The following LMBRD1 variants were observed in gnomAD, a reference collection of about 807,000 sequenced individuals.
The protein encoded by LMBRD1 is LMBR1 domain containing 1.
LMBRD1 carries 64 observed loss-of-function variants against 74.8 expected under a neutral mutation model. The ratio of observed to expected loss-of-function variants is 0.86; its 90% confidence interval spans 0.70 to 1.05. LMBRD1 has a LOEUF of 1.05. Ranked by LOEUF, LMBRD1 falls within the 50% of genes least tolerant of loss-of-function variation. LMBRD1 has a pLI of 0.00. For missense variants in LMBRD1, 652 were observed against 645.9 expected, an observed-to-expected ratio of 1.01 and a Z score of -0.10; for synonymous variants, 204 against 216.3, an observed-to-expected ratio of 0.94 and a Z score of 0.50.
chr6:69,701,667 A>C, intron 10 of LMBRD1, 122 bp from the exon 11 acceptor site: 1 of 697,382 alleles, frequency 1.4e-6, no homozygotes, highest in South Asian at 1.7e-5. Context: ...ATAACAAATT[A>C]AACCTCACTT....
At chr6:69,762,972 G>A (rs1765403275) in intron 3 of LMBRD1, among the ~76,000 whole-genome samples, 1 of 152,140 alleles carries the variant, frequency 6.6e-6, no homozygotes, top group African/African-American at 2.4e-5. Flanking sequence ...CTGACTATAA[G>A]ACAGATTTTG....
intron 3 of LMBRD1, among the ~76,000 whole-genome samples, chr6:69,774,927 C>T (rs1485596359): frequency 7.4e-6 from 1 of 135,084 alleles, no homozygotes; most frequent in African/African-American, 2.8e-5. Context: ...CCACCGCACT[C>T]CTGCCCAAAA....
chr6:69,729,707 T>G (rs922267260), intron 7 of LMBRD1, among the ~76,000 whole-genome samples: 10 of 152,028 alleles, frequency 6.6e-5, no homozygotes, highest in African/African-American at 2.2e-4. Flanking sequence ...GGTAACAACT[T>G]GCGGTAACAT....
chr6:69,714,794 A>G (rs1766455527), intron 8 of LMBRD1, among the ~76,000 whole-genome samples: 1 of 152,128 alleles, frequency 6.6e-6, no homozygotes, highest in Admixed American at 6.6e-5. Flanking sequence ...ATCTCTTTAC[A>G]TATCGGCATC....
At position 69,718,997 on chromosome 6, in the gene LMBRD1, T is replaced by C. The variant is rs199959642; in HGVS notation, c.721A>G (p.Ile241Val). Residue 241 changes from isoleucine to valine, a missense_variant, in exon 8 of 16, where the codon ATT becomes GTT. Ile to Val is a conservative substitution (Grantham distance 29). Around this residue, in one of 3 missense-constraint regions of LMBRD1, gnomAD observed 598 missense variants for 581.8 expected, o/e 1.03. Transcript: ENST00000649934. The part of the protein sequence containing the change: ...AYERLENTED[I>V]EEVEQHIQTI... ...TGAATGTGTTGTTCTACTTCTTCAA[T>C]GTCTTCAGTGTTTTCCAAACGTTCA... 43 of 1,613,452 alleles carry C rather than the reference T, an allele frequency of 2.7e-5. No homozygotes were observed. The African/African-American group carries it at 4.8e-4, about 18-fold the overall frequency.
chr6:69,783,893 T>C (rs1765890055), intron 2 of LMBRD1, among the ~76,000 whole-genome samples: 1 of 152,206 alleles, frequency 6.6e-6, no homozygotes, highest in Non-Finnish European at 1.5e-5. Context: ...AGTCTGAAGG[T>C]TAACTTGAAG....
intron 7 of LMBRD1, among the ~76,000 whole-genome samples, chr6:69,736,424 T>A (rs774380927): frequency 4.6e-5 from 7 of 152,162 alleles, no homozygotes; most frequent in Admixed American, 6.5e-5. Context: ...CTAAGGGAAC[T>A]GGGACTCCGG....
intron 5 of LMBRD1, among the ~76,000 whole-genome samples, chr6:69,744,254 C>T (rs2149872798): frequency 6.6e-6 from 1 of 152,200 alleles, no homozygotes; most frequent in Middle Eastern, 3.4e-3. Context: ...ACCTCAGCTT[C>T]CAAAAACACA....
At chr6:69,752,148 T>C in intron 4 of LMBRD1, 111 bp downstream of exon 4, 5 of 982,644 alleles carry the variant, frequency 5.1e-6, no homozygotes, top group Non-Finnish European at 7.5e-6. Context: ...TAACATTGTA[T>C]TTCTATTAGA....
At chr6:69,792,655 G>A (rs1405564409) in intron 1 of LMBRD1, among the ~76,000 whole-genome samples, 1 of 152,166 alleles carries the variant, frequency 6.6e-6, no homozygotes. Context: ...ATTTGAATGA[G>A]CTTGTTTTTA....
At chr6:69,705,913 AC>A in intron 9 of LMBRD1, 1 of 1,276,262 alleles carries the variant, frequency 7.8e-7, no homozygotes. Context: ...TGTTGGCTGT[AC>A]AGACATTTTC....
chr6:69,701,576 G>T, intron 10 of LMBRD1, 31 bp from the exon 11 acceptor site: 1 of 1,318,992 alleles, frequency 7.6e-7, no homozygotes, highest in Non-Finnish European at 1.1e-6. Context: ...TGAAATTTAT[G>T]TTATACTATC....
At chr6:69,783,621 T>G (rs1309069045) in intron 2 of LMBRD1, among the ~76,000 whole-genome samples, 1 of 152,170 alleles carries the variant, frequency 6.6e-6, no homozygotes, top group East Asian at 1.9e-4. Flanking sequence ...GTGATCTGCC[T>G]GCCTCAGCCT....
intron 14 of LMBRD1, among the ~76,000 whole-genome samples, chr6:69,690,177 G>T (rs1439660110): frequency 1.3e-5 from 2 of 151,152 alleles, no homozygotes; most frequent in African/African-American, 4.9e-5. Context: ...ACAGATTTTT[G>T]CAAGTCTATT....
At chr6:69,676,571 G>A (rs1193727877) in intron 14 of LMBRD1, 30 bp from the exon 15 acceptor site, 1 of 1,494,314 alleles carries the variant, frequency 6.7e-7, no homozygotes, top group Non-Finnish European at 9.3e-7. Flanking sequence ...ACTATGGTGA[G>A]ATAGGTTCTT....
rs183580874 is a variant in LMBRD1 at position 69,703,709 on chromosome 6, T to C, written c.916-1756A>G. Reference sequence around the variant, plus strand: ...GACCTAAAAGCTACATATTATACTCTAGCTATAATGCCAATTTTGAAATAA... The same window carrying C: ...GACCTAAAAGCTACATATTATACTCCAGCTATAATGCCAATTTTGAAATAA... On this transcript the variant is annotated intron_variant, in intron 9 of 15. Coordinates refer to ENST00000649934, the MANE Select transcript of LMBRD1 (RefSeq NM_018368.4). Among the ~76,000 whole-genome samples the C allele has an allele frequency of 1.3e-3, 198 of 152,222 alleles. 1 individual carries two copies. Among genetic ancestry groups the C allele is most frequent in the African/African-American group, 4.6e-3 (193 of 41,558 alleles).
intron 3 of LMBRD1, among the ~76,000 whole-genome samples, chr6:69,761,133 T>G (rs1765363704): frequency 6.6e-6 from 1 of 152,222 alleles, no homozygotes; most frequent in African/African-American, 2.4e-5. Flanking sequence ...GCTGACAGTA[T>G]AGCAAAGTGA....
chr6:69,729,159 C>T (rs956369941), intron 7 of LMBRD1, among the ~76,000 whole-genome samples: 3 of 149,228 alleles, frequency 2.0e-5, no homozygotes, highest in Admixed American at 6.8e-5. Flanking sequence ...TTTTATGCTA[C>T]TTTAGGCTTT....
intron 7 of LMBRD1, among the ~76,000 whole-genome samples, chr6:69,721,630 A>G (rs960536629): frequency 3.9e-5 from 6 of 152,202 alleles, no homozygotes; most frequent in African/African-American, 1.4e-4. Flanking sequence ...GGGGTGATCC[A>G]GCACATTCCC....
Sources: allele counts gnomAD v4.1 joint callset (sites outside exome capture counted in the v4.1 genomes callset), GRCh38; gene constraint gnomAD v4.1.1; regional missense constraint gnomAD v4.1.1; transcripts MANE v1.5; gene names NCBI Gene and HGNC (gene_info 2026-07-23, HGNC 2026-07-21).